PCSK6: variants seen among roughly 807,000 people sequenced by gnomAD.
The protein encoded by PCSK6 is proprotein convertase subtilisin/kexin type 6.
Under a neutral mutation model 123.3 loss-of-function variants are expected in PCSK6, and 85 were observed. That is an observed-to-expected ratio of 0.69 (90% CI 0.58 to 0.83). The LOEUF (loss-of-function observed/expected upper bound fraction) is 0.83. Ranked by LOEUF, PCSK6 falls within the 40% of genes least tolerant of loss-of-function variation. PCSK6 has a pLI of 0.00. For missense variants in PCSK6, 1,191 were observed against 1,282.3 expected (o/e 0.93, Z 1.09); for synonymous variants, 508 against 516.0 (o/e 0.98, Z 0.21).
chr15:101,337,647 C>T (rs981526198), intron 13 of PCSK6, among the ~76,000 whole-genome samples: 12 of 152,174 alleles, frequency 7.9e-5, no homozygotes, highest in Admixed American at 4.6e-4. Context: ...TCATGTTAAT[C>T]GCATTCGACG....
chr15:101,412,477 G>GA (rs1157965917), intron 6 of PCSK6, among the ~76,000 whole-genome samples: 6 of 151,198 alleles, frequency 4.0e-5, no homozygotes, highest in Non-Finnish European at 7.4e-5. Flanking sequence ...AAGAGGCCAT[G>GA]AAAAAAACAC....
Position 101,394,756 on chromosome 15 carries a change from C to T in PCSK6, c.997-1332G>A, listed in dbSNP as rs544694037. Reference sequence around the variant, plus strand: ...AATGAGTGGACCCGCCTGCTCTGTACGCTCACACCACGGGGGTTTGTAAAC... The same window carrying T: ...AATGAGTGGACCCGCCTGCTCTGTATGCTCACACCACGGGGGTTTGTAAAC... On this transcript the variant is annotated intron_variant, in intron 7 of 21. Coordinates refer to ENST00000611716, the MANE Select transcript of PCSK6 (RefSeq NM_002570.5). 4.6e-5 allele frequency among the ~76,000 whole-genome samples: 7 copies of T among 152,334 alleles called. No individual in the cohort carries two copies. The East Asian group carries it at 5.8e-4, about 13-fold the overall frequency.
At chr15:101,483,845 G>C (rs187721823) in intron 1 of PCSK6, among the ~76,000 whole-genome samples, 1 of 152,350 alleles carries the variant, frequency 6.6e-6, no homozygotes, top group East Asian at 1.9e-4. Flanking sequence ...TTGACAAGTG[G>C]ATCGGCCCAG....
intron 11 of PCSK6, among the ~76,000 whole-genome samples, chr15:101,374,217 G>C (rs1007678727): frequency 1.3e-5 from 2 of 152,132 alleles, no homozygotes; most frequent in African/African-American, 4.8e-5. Flanking sequence ...AGGAGGCGAA[G>C]GCCCACCAAC....
At chr15:101,313,207 A>G in intron 20 of PCSK6, 169 bp downstream of exon 20, 2 of 1,533,424 alleles carry the variant, frequency 1.3e-6, no homozygotes, top group Non-Finnish European at 8.8e-7. Context: ...GCATCCAGTG[A>G]ACAAAGGGAC....
intron 13 of PCSK6, chr15:101,364,757 C>T: frequency 2.2e-6 from 1 of 454,888 alleles, no homozygotes; most frequent in Admixed American, 3.5e-5. Context: ...CATATCCAAT[C>T]TCTACCAGAA....
At chr15:101,486,499 T>C (rs2058024386) in intron 1 of PCSK6, among the ~76,000 whole-genome samples, 2 of 152,234 alleles carry the variant, frequency 1.3e-5, no homozygotes, top group African/African-American at 4.8e-5. Context: ...CTGCCGATAA[T>C]GACATTGGAC....
chr15:101,452,249 G>A (rs951342121), intron 1 of PCSK6, among the ~76,000 whole-genome samples: 3 of 152,110 alleles, frequency 2.0e-5, no homozygotes, highest in Non-Finnish European at 4.4e-5. Context: ...CAAATGGTCC[G>A]GCTTCGGATG....
chr15:101,419,558 T>C (rs1409770690), intron 6 of PCSK6, among the ~76,000 whole-genome samples: 2 of 150,152 alleles, frequency 1.3e-5, no homozygotes, highest in Non-Finnish European at 3.0e-5. Context: ...TTAATGGAAC[T>C]TGACAAGCAG....
At chr15:101,364,850 C>T in intron 13 of PCSK6, 1 of 567,850 alleles carries the variant, frequency 1.8e-6, no homozygotes, top group Non-Finnish European at 3.3e-6. Flanking sequence ...ATAGCCAAAA[C>T]AATCTTGAGA....
chr15:101,394,634 C>T (rs1262074626), intron 7 of PCSK6, among the ~76,000 whole-genome samples: 1 of 152,188 alleles, frequency 6.6e-6, no homozygotes, highest in African/African-American at 2.4e-5. Flanking sequence ...AACAATCGGC[C>T]AATTTAAAGA....
intron 17 of PCSK6, among the ~76,000 whole-genome samples, chr15:101,323,731 GA>G (rs11404372): frequency 1.1e-3 from 142 of 128,214 alleles, no homozygotes; most frequent in South Asian, 6.6e-3. Context: ...ACTCCATCTC[GA>G]AAAAAAAAAA....
intron 13 of PCSK6, among the ~76,000 whole-genome samples, chr15:101,361,154 CT>C (rs2041207820): frequency 7.6e-6 from 1 of 132,234 alleles, no homozygotes; most frequent in Admixed American, 7.9e-5. Context: ...GCCTATAGTT[CT>C]TTCTCTCTCT....
chr15:101,399,912 G>A (rs1293747822), intron 6 of PCSK6, among the ~76,000 whole-genome samples: 1 of 152,172 alleles, frequency 6.6e-6, no homozygotes, highest in Non-Finnish European at 1.5e-5. Context: ...AAATCTTAGA[G>A]CTATTTAAGA....
At chr15:101,326,517 G>T in intron 15 of PCSK6, 38 bp from the exon 16 acceptor site, 2 of 1,521,220 alleles carry the variant, frequency 1.3e-6, no homozygotes, top group Non-Finnish European at 1.8e-6. Flanking sequence ...CCAGAGAGAC[G>T]CCTTCTCCAT....
At chr15:101,477,946 A>G (rs998997277) in intron 1 of PCSK6, among the ~76,000 whole-genome samples, 1 of 152,184 alleles carries the variant, frequency 6.6e-6, no homozygotes, top group African/African-American at 2.4e-5. Context: ...GAGCCCTGAT[A>G]AGGAGGGGAG....
chr15:101,333,622 G>T (rs1397580605), intron 13 of PCSK6, among the ~76,000 whole-genome samples: 1 of 152,242 alleles, frequency 6.6e-6, no homozygotes, highest in Non-Finnish European at 1.5e-5. Flanking sequence ...CAGCCTGTCT[G>T]TCTTTACATA....
chr15:101,322,739 G>C (rs964709952), intron 17 of PCSK6, 132 bp from the exon 18 acceptor site: 282 of 644,192 alleles, frequency 4.4e-4, no homozygotes, highest in Non-Finnish European at 7.2e-4. Flanking sequence ...TCCGGAATGG[G>C]TGGAAATAAA....
At chr15:101,454,806 A>G (rs2057132539) in intron 1 of PCSK6, among the ~76,000 whole-genome samples, 1 of 152,104 alleles carries the variant, frequency 6.6e-6, no homozygotes, top group Non-Finnish European at 1.5e-5. Flanking sequence ...TTAGCCGGGT[A>G]TGGTGGCGTG....
Sources: allele counts gnomAD v4.1 joint callset (sites outside exome capture counted in the v4.1 genomes callset), GRCh38; gene constraint gnomAD v4.1.1; transcripts MANE v1.5; gene names NCBI Gene and HGNC (gene_info 2026-07-23, HGNC 2026-07-21).